Variants in RAB40A observed in about 807,000 individuals in gnomAD.
The protein encoded by RAB40A is RAB40A, member RAS oncogene family, also known as ras-related protein Rab-40A.
For missense variants in RAB40A, 145 were observed against 230.2 expected, an observed-to-expected ratio of 0.63 and a Z score of 2.40; for synonymous variants, 65 against 99.9, an observed-to-expected ratio of 0.65 and a Z score of 2.08.
chrX:103,502,752 C>T, intron 2 of RAB40A: 2 of 764,126 alleles, frequency 2.6e-6, no homozygotes, highest in Non-Finnish European at 3.1e-6. Context: ...CCAATCCTGC[C>T]ACTTACCTGG....
chrX:103,513,576 G>A (rs1316459696), intron 2 of RAB40A, among the ~76,000 whole-genome samples: 2 of 111,559 alleles, frequency 1.8e-5, no homozygotes, highest in Non-Finnish European at 3.8e-5. Flanking sequence ...CGAGGGATTT[G>A]GATAGTAGAT....
intron 1 of RAB40A, among the ~76,000 whole-genome samples, chrX:103,519,093 T>C (rs1235734167): frequency 1.8e-5 from 2 of 111,824 alleles, no homozygotes; most frequent in African/African-American, 6.5e-5. Flanking sequence ...GAGCCCCCTG[T>C]GTAACACTAT....
chrX:103,518,116 A>G (rs1244863838), intron 1 of RAB40A, among the ~76,000 whole-genome samples: 1 of 111,878 alleles, frequency 8.9e-6, no homozygotes, highest in East Asian at 2.8e-4. Context: ...TGAGACATAG[A>G]ATATTTTCAC....
intron 2 of RAB40A, among the ~76,000 whole-genome samples, chrX:103,512,510 G>C (rs1034873876): frequency 1.5e-4 from 17 of 111,464 alleles, no homozygotes; most frequent in Admixed American, 1.4e-3. Context: ...CTTTATAGAT[G>C]GTGGTGAGGA....
downstream of RAB40A, chrX:103,497,733 A>G (rs1167570650): frequency 9.0e-6 from 1 of 111,461 alleles, no homozygotes; most frequent in Non-Finnish European, 1.9e-5. Flanking sequence ...CTAATATTGA[A>G]TTCAACTAAT....
At chrX:103,498,243 T>A (rs1304375665), downstream of RAB40A, among the ~76,000 whole-genome samples, 1 of 111,956 alleles carries the variant, frequency 8.9e-6, no homozygotes, top group African/African-American at 3.3e-5. Context: ...ATGGCCCCTG[T>A]CCCTCTGAGA....
chrX:103,512,389 T>C (rs1468675907), intron 2 of RAB40A, among the ~76,000 whole-genome samples: 1 of 110,222 alleles, frequency 9.1e-6, no homozygotes, highest in Non-Finnish European at 1.9e-5. Flanking sequence ...GTTAGATAAA[T>C]TTACTGGGGA....
Position 103,519,429 on chromosome X carries a change from C to T in RAB40A, c.-282G>A, listed in dbSNP as rs188730623. ...GATACAGTTGACACTTCTTACCCTA[C>T]AGGAGATTATTCAGCCTATCAGCCA... On this transcript the variant is annotated 5_prime_UTR_variant, in exon 1 of 3. Transcript: ENST00000304236. 8.9e-6 allele frequency: 1 copy of T among 112,245 alleles called. No individual in the cohort carries two copies. The highest frequency in any genetic ancestry group is 9.5e-5 in the Admixed American group (1 of 10,536). The allele number at this position is 112,245 out of a possible 1,213,427, so 9.3% of individuals were successfully genotyped here.
intron 2 of RAB40A, among the ~76,000 whole-genome samples, chrX:103,512,603 T>C (rs1378948814): frequency 1.8e-5 from 2 of 112,053 alleles, no homozygotes; most frequent in Non-Finnish European, 3.8e-5. Context: ...TCTATCATTA[T>C]TTCATACCCG....
intron 2 of RAB40A, among the ~76,000 whole-genome samples, chrX:103,510,295 A>G (rs1433938744): frequency 1.8e-5 from 2 of 112,128 alleles, no homozygotes; most frequent in Non-Finnish European, 3.8e-5. Context: ...TTTTTCATCT[A>G]TGAAATGGAG....
chrX:103,501,592 G>A (rs1268776142), intron 2 of RAB40A: 1 of 123,622 alleles, frequency 8.1e-6, no homozygotes, highest in Non-Finnish European at 1.9e-5. Context: ...GCATCCATCA[G>A]TGAAGGGTTT....
intron 2 of RAB40A, among the ~76,000 whole-genome samples, chrX:103,509,034 C>T (rs1438956469): frequency 8.9e-6 from 1 of 112,073 alleles, no homozygotes; most frequent in African/African-American, 3.2e-5. Flanking sequence ...TTCTGTAACA[C>T]ACGATTGTCC....
downstream of RAB40A, among the ~76,000 whole-genome samples, chrX:103,497,133 G>C (rs1054668528): frequency 5.4e-5 from 6 of 111,658 alleles, no homozygotes; most frequent in African/African-American, 2.0e-4. Context: ...TGTAGAGAGA[G>C]GTCTAGGGTT....
chrX:103,507,588 G>GAA (rs61571242), intron 2 of RAB40A, among the ~76,000 whole-genome samples: 16,176 of 109,796 alleles, frequency 0.15, 3,091 homozygotes, highest in African/African-American at 0.52. Context: ...AATAACAACT[G>GAA]AAAAAAAACC....
intron 2 of RAB40A, chrX:103,503,445 G>C: frequency 2.7e-6 from 2 of 751,925 alleles, no homozygotes; most frequent in African/African-American, 2.3e-5. Context: ...ACTGAGGAGG[G>C]AAGAGATAAA....
downstream of RAB40A, among the ~76,000 whole-genome samples, chrX:103,495,582 A>C (rs1188051092): frequency 1.8e-5 from 2 of 111,915 alleles, no homozygotes; most frequent in African/African-American, 6.5e-5. Flanking sequence ...ATTTTATATA[A>C]GTGAAATCAA....
At chrX:103,502,354 G>C (rs974808822) in intron 2 of RAB40A, 1 of 123,141 alleles carries the variant, frequency 8.1e-6, no homozygotes, top group Non-Finnish European at 1.9e-5. Context: ...ACCCTGATTG[G>C]AATAATGATC....
intron 2 of RAB40A, among the ~76,000 whole-genome samples, chrX:103,514,215 G>A (rs771850709): frequency 3.6e-5 from 4 of 111,358 alleles, no homozygotes; most frequent in Non-Finnish European, 5.7e-5. Context: ...GATAAAACAC[G>A]CAACAAAATA....
At chrX:103,508,651 CAA>C (rs1476223448) in intron 2 of RAB40A, among the ~76,000 whole-genome samples, 2 of 111,911 alleles carry the variant, frequency 1.8e-5, no homozygotes, top group Non-Finnish European at 3.8e-5. Context: ...GCCTTCAGTT[CAA>C]AGTTTTAGAA....
Sources: allele counts gnomAD v4.1 joint callset (sites outside exome capture counted in the v4.1 genomes callset), GRCh38; gene constraint gnomAD v4.1.1; transcripts MANE v1.5; gene names NCBI Gene and HGNC (gene_info 2026-07-23, HGNC 2026-07-21).